TNFSF15: variants seen among roughly 807,000 people sequenced by gnomAD.
The protein encoded by TNFSF15 is TNF superfamily member 15.
Under a neutral mutation model 26.4 loss-of-function variants are expected in TNFSF15, and 15 were observed. That is an observed-to-expected ratio of 0.57 (90% confidence interval 0.38 to 0.87). TNFSF15 has a LOEUF of 0.87. Among genes scored for constraint, TNFSF15 ranks in the 40% least tolerant of loss-of-function variants. TNFSF15 has a pLI of 0.00. For missense variants in TNFSF15, 290 were observed against 306.1 expected (o/e 0.95, Z 0.39); for synonymous variants, 116 against 115.0 (o/e 1.01, Z -0.06).
intron 2 of TNFSF15, 135 bp downstream of exon 2, chr9:114,793,391 A>G: frequency 9.5e-7 from 1 of 1,047,770 alleles, no homozygotes; most frequent in Non-Finnish European, 1.4e-6. Flanking sequence ...GCAGAGCCTC[A>G]TTTCTCCTCT....
intron 1 of TNFSF15, 50 bp from the exon 2 acceptor site, chr9:114,793,618 C>T (rs1329577190): frequency 6.4e-7 from 1 of 1,559,144 alleles, no homozygotes; most frequent in South Asian, 1.1e-5. Context: ...CTTTTGATCC[C>T]AACACTTACA....
chr9:114,805,892 G>GGCA lies in TNFSF15; in HGVS notation c.118_120dup (p.Cys40dup), dbSNP rs770494515. 31 of 1,613,948 alleles carry GGCA rather than the reference G, an allele frequency of 1.9e-5. No homozygotes were observed. Among genetic ancestry groups the GGCA allele is most frequent in the African/African-American group, 2.7e-5 (2 of 74,940 alleles). On this transcript the variant is annotated inframe_insertion, in exon 1 of 4. Coordinates refer to ENST00000374045, the MANE Select transcript of TNFSF15 (RefSeq NM_005118.4). ...CCTGCAAGGAAGGGGAGCAACACCA[G>GGCA]GCAGCAGGTGAGAGCCCAGCGTGCG...
intron 1 of TNFSF15, among the ~76,000 whole-genome samples, chr9:114,804,469 C>A (rs913302783): frequency 6.6e-6 from 1 of 152,166 alleles, no homozygotes; most frequent in Non-Finnish European, 1.5e-5. Flanking sequence ...CCTGTCATGC[C>A]TCTGGGCTTC....
chr9:114,798,795 T>TC (rs764140580), intron 1 of TNFSF15, among the ~76,000 whole-genome samples: 3 of 152,114 alleles, frequency 2.0e-5, no homozygotes, highest in Non-Finnish European at 4.4e-5. Context: ...TCCTGGCATT[T>TC]CCCCAGAAAA....
chr9:114,805,015 T>C (rs1425118293), intron 1 of TNFSF15, among the ~76,000 whole-genome samples: 1 of 152,234 alleles, frequency 6.6e-6, no homozygotes, highest in Non-Finnish European at 1.5e-5. Flanking sequence ...TACATCTTTG[T>C]TGTTCCCAGC....
At chr9:114,792,581 C>A (rs1020207777) in intron 2 of TNFSF15, 127 bp from the exon 3 acceptor site, 15 of 1,541,076 alleles carry the variant, frequency 9.7e-6, no homozygotes, top group African/African-American at 2.7e-5. Context: ...TGGTCCAGTG[C>A]CACTCCTTGC....
chr9:114,795,182 A>G (rs1286722859), intron 1 of TNFSF15, among the ~76,000 whole-genome samples: 1 of 152,186 alleles, frequency 6.6e-6, no homozygotes, highest in Non-Finnish European at 1.5e-5. Flanking sequence ...ATGTATCAAT[A>G]AAAAATAAAA....
chr9:114,792,576 C>T (rs1829621339), intron 2 of TNFSF15, 122 bp from the exon 3 acceptor site: 2 of 1,549,728 alleles, frequency 1.3e-6, no homozygotes, highest in African/African-American at 2.7e-5. Context: ...CAGCTTGGTC[C>T]AGTGCCACTC....
chr9:114,796,622 G>A (rs1319840910), intron 1 of TNFSF15, among the ~76,000 whole-genome samples: 1 of 152,202 alleles, frequency 6.6e-6, no homozygotes, highest in Non-Finnish European at 1.5e-5. Context: ...AGGTCCTGCA[G>A]GTACTAGCCA....
At position 114,785,154 on chromosome 9, in the gene TNFSF15, C is replaced by T. The variant is rs1295768915; in HGVS notation, c.*5298G>A. On this transcript the variant is annotated 3_prime_UTR_variant, in exon 4 of 4. Coordinates refer to ENST00000374045, the MANE Select transcript of TNFSF15 (RefSeq NM_005118.4). ...CGAATGAAGTTGAAAGACTGCTGGG[C>T]TTATTGTTAAGATATCTAAATTCTA... The T allele has an allele frequency of 2.0e-5, 3 of 152,192 alleles. No homozygotes were observed. The highest frequency in any genetic ancestry group is 3.9e-4 in the East Asian group (2 of 5,194). 9.4% of individuals were successfully genotyped at this position (152,192 alleles called of 1,614,324 possible).
intron 1 of TNFSF15, among the ~76,000 whole-genome samples, chr9:114,804,487 C>T (rs1587903067): frequency 6.6e-6 from 1 of 152,166 alleles, no homozygotes; most frequent in Non-Finnish European, 1.5e-5. Context: ...TTCCTTCAGA[C>T]CCCAGTGCAG....
intron 1 of TNFSF15, among the ~76,000 whole-genome samples, chr9:114,795,032 G>T (rs1471681921): frequency 6.6e-6 from 1 of 152,074 alleles, no homozygotes; most frequent in Non-Finnish European, 1.5e-5. Context: ...GTAGCTAGAA[G>T]AGAAAACTTG....
At chr9:114,791,101 C>T in intron 3 of TNFSF15, 195 bp from the exon 4 acceptor site, 3 of 639,460 alleles carry the variant, frequency 4.7e-6, no homozygotes, top group Non-Finnish European at 8.2e-6. Context: ...ACATCTTGGA[C>T]TAGTGACCTG....
At position 114,792,526 on chromosome 9, in the gene TNFSF15, T is replaced by C. The variant is rs548211757; in HGVS notation, c.254-72A>G. ...GAAATGAAGACGGCCCTTTGTGAGT[T>C]GCATGGCGCCTATGATAGGAGAGAA... is the stretch of plus-strand genomic sequence containing the variant. On this transcript the variant is annotated intron_variant, in intron 2 of 3. Coordinates refer to ENST00000374045, the MANE Select transcript of TNFSF15 (RefSeq NM_005118.4). 61 of 1,608,560 alleles carry C rather than the reference T, an allele frequency of 3.8e-5. No homozygotes were observed. The African/African-American group carries it at 7.1e-4, about 19-fold the overall frequency.
In TNFSF15 at chr9:114,787,632, A is replaced by G. The variant is rs1446893783; in HGVS notation, c.*2820T>C. 1 of 153,420 alleles carries G rather than the reference A, an allele frequency of 6.5e-6. No homozygotes were observed. The highest frequency in any genetic ancestry group is 1.9e-4 in the East Asian group (1 of 5,200). The allele number at this position is 153,420 out of a possible 1,614,324, so 9.5% of individuals were successfully genotyped here. A position where few individuals can be genotyped will look rare whatever the true frequency, so the allele number is the denominator to read the frequency against. On this transcript the variant is annotated 3_prime_UTR_variant, in exon 4 of 4. Transcript: ENST00000374045. The stretch of plus-strand genomic sequence containing the variant: ...TTAACCCCTTTTAGGGGAACATCAC[A>G]TGATCTTAAAAGCATTTTCCCACCT...
chr9:114,793,371 A>G (rs1451430646), intron 2 of TNFSF15, among the ~76,000 whole-genome samples, 155 bp downstream of exon 2: 1 of 152,182 alleles, frequency 6.6e-6, no homozygotes, highest in East Asian at 1.9e-4. Flanking sequence ...TTGCCTTCTT[A>G]GTGCCTGCAG....
intron 1 of TNFSF15, among the ~76,000 whole-genome samples, chr9:114,798,469 G>A (rs1384647719): frequency 1.3e-5 from 2 of 151,870 alleles, no homozygotes; most frequent in Non-Finnish European, 2.9e-5. Context: ...ATTTAAATTG[G>A]GCAGAAGAAA....
Position 114,790,840 on chromosome 9 carries a change from A to C in TNFSF15, c.368T>G (p.Leu123Arg). The change falls in exon 4 of 4, where the codon CTA becomes CGA. Residue 123 changes from leucine (L) to arginine (R), a missense_variant. Coordinates refer to ENST00000374045, the MANE Select transcript of TNFSF15 (RefSeq NM_005118.4). Reference sequence around the variant, plus strand: ...TCGGTTCTTGGTGAAGGCCAGGCCTAGTTCATGTTCCCAGTGCAGAGCTGG... The same window carrying C: ...TCGGTTCTTGGTGAAGGCCAGGCCTCGTTCATGTTCCCAGTGCAGAGCTGG... ...QFPALHWEHE[L>R]GLAFTKNRMN... The C allele has an allele frequency of 6.2e-7, 1 of 1,614,104 alleles. No individual in the cohort carries two copies. The highest frequency in any genetic ancestry group is 8.5e-7 in the Non-Finnish European group (1 of 1,180,022).
Position 114,792,432 on chromosome 9 carries a change from T to G in TNFSF15, c.276A>C (p.Gly92=), listed in dbSNP as rs147641716. 3.7e-4 allele frequency: 593 copies of G among 1,614,150 alleles called. 4 individuals are homozygous for G. In the African/African-American group the frequency reaches 6.1e-3, roughly 17 times the overall value. The change falls in exon 3 of 4, where the codon GGA becomes GGC. Residue 92 remains glycine (G), a synonymous_variant. Transcript: ENST00000374045. ...QQVYAPLRAD[G]DKPRAHLTVV... The stretch of plus-strand genomic sequence containing the variant: ...CTGTCAGGTGTGCCCTTGGCTTATC[T>G]CCGTCTGCTCTAAGAGGTGCATCTG...
Sources: allele counts gnomAD v4.1 joint callset (sites outside exome capture counted in the v4.1 genomes callset), GRCh38; gene constraint gnomAD v4.1.1; transcripts MANE v1.5; gene names NCBI Gene and HGNC (gene_info 2026-07-23, HGNC 2026-07-21).